ADGRL3: variants seen among roughly 807,000 people sequenced by gnomAD.
The protein encoded by ADGRL3 is adhesion G protein-coupled receptor L3, also known as calcium-independent alpha-latrotoxin receptor 3.
A neutral mutation model predicts 153.5 loss-of-function variants in ADGRL3; 62 were observed. The ratio of observed to expected loss-of-function variants is 0.40; its 90% CI spans 0.33 to 0.50. The LOEUF (loss-of-function observed/expected upper bound fraction) is 0.50. Among genes scored for constraint, ADGRL3 ranks in the 20% least tolerant of loss-of-function variants. The pLI is 0.47. For missense variants in ADGRL3, 1,641 were observed against 1,859.4 expected (o/e 0.88, Z 2.16); for synonymous variants, 710 against 672.5 (o/e 1.06, Z -0.86).
chr4:62,075,082 A>T lies in ADGRL3; in HGVS notation c.*4174A>T, dbSNP rs1746731811. On this transcript the variant is annotated 3_prime_UTR_variant, in exon 27 of 27. Coordinates refer to ENST00000683033, the MANE Select transcript of ADGRL3 (RefSeq NM_001387552.1). ...GAAAAATAGTTTACAAGTTTTCTAAAGATCAACTCCAGACTAATCTATATC... is the reference window on the plus strand; with the variant it reads ...GAAAAATAGTTTACAAGTTTTCTAATGATCAACTCCAGACTAATCTATATC... The T allele has an allele frequency of 6.6e-6, 1 of 152,126 alleles. No individual in the cohort carries two copies. Among genetic ancestry groups the T allele is most frequent in the African/African-American group, 2.4e-5 (1 of 41,458 alleles). The allele number at this position is 152,126 out of a possible 1,614,324, so 9.4% of individuals were successfully genotyped here. A position where few individuals can be genotyped will look rare whatever the true frequency, so the allele number is the denominator to read the frequency against.
intron 2 of ADGRL3, among the ~76,000 whole-genome samples, chr4:61,405,453 G>A (rs1489388874): frequency 6.6e-6 from 1 of 151,828 alleles, no homozygotes; most frequent in African/African-American, 2.4e-5. Flanking sequence ...TATAATTTGA[G>A]ATTTATGGCA....
At chr4:61,317,335 A>G (rs1157790869) in intron 1 of ADGRL3, among the ~76,000 whole-genome samples, 2 of 152,174 alleles carry the variant, frequency 1.3e-5, no homozygotes, top group African/African-American at 4.8e-5. Flanking sequence ...TCTACAGCAG[A>G]TTTTTTGTGG....
chr4:61,870,383 C>G (rs2098436716), intron 9 of ADGRL3, among the ~76,000 whole-genome samples: 1 of 152,078 alleles, frequency 6.6e-6, no homozygotes, highest in South Asian at 2.1e-4. Flanking sequence ...ATCTTCTTGA[C>G]CTTGGATTAA....
At chr4:61,230,940 T>G (rs1339886496) in intron 1 of ADGRL3, among the ~76,000 whole-genome samples, 1 of 152,200 alleles carries the variant, frequency 6.6e-6, no homozygotes, top group Non-Finnish European at 1.5e-5. Context: ...CCACAGTTTG[T>G]CAGGTTTTTG....
intron 16 of ADGRL3, among the ~76,000 whole-genome samples, chr4:61,947,722 T>C (rs1379157375): frequency 6.6e-6 from 1 of 152,220 alleles, no homozygotes; most frequent in Non-Finnish European, 1.5e-5. Context: ...TATTTTTGCA[T>C]ATATACAAAG....
chr4:62,046,688 G>A (rs1402798556), intron 25 of ADGRL3, among the ~76,000 whole-genome samples: 1 of 151,886 alleles, frequency 6.6e-6, no homozygotes, highest in East Asian at 1.9e-4. Context: ...AGGGTGCCCA[G>A]GTAGTGATCA....
chr4:61,377,544 C>T (rs775958655), intron 1 of ADGRL3, among the ~76,000 whole-genome samples: 13 of 151,916 alleles, frequency 8.6e-5, no homozygotes, highest in Non-Finnish European at 1.6e-4. Flanking sequence ...GTAATTTCAT[C>T]TATTTGTCAT....
chr4:61,958,719 C>A (rs2098977083), intron 17 of ADGRL3, among the ~76,000 whole-genome samples: 1 of 152,010 alleles, frequency 6.6e-6, no homozygotes, highest in Admixed American at 6.6e-5. Flanking sequence ...GGGAAACTGC[C>A]CCCATGATCC....
At chr4:62,037,670 T>C (rs1346971097) in intron 23 of ADGRL3, 61 bp from the exon 24 acceptor site, 4 of 1,573,128 alleles carry the variant, frequency 2.5e-6, no homozygotes, top group African/African-American at 2.7e-5. Flanking sequence ...ATACATTGTC[T>C]ACTTTTGTTC....
At chr4:61,875,856 A>T (rs1024718555) in intron 9 of ADGRL3, among the ~76,000 whole-genome samples, 5 of 152,196 alleles carry the variant, frequency 3.3e-5, no homozygotes, top group African/African-American at 1.2e-4. Context: ...TGTACTTTGC[A>T]CTTTTTTAGG....
intron 5 of ADGRL3, among the ~76,000 whole-genome samples, chr4:61,667,359 T>C (rs2094835566): frequency 6.6e-6 from 1 of 152,102 alleles, no homozygotes; most frequent in Non-Finnish European, 1.5e-5. Flanking sequence ...CAAAAGAAGT[T>C]AGTATTTTTT....
chr4:61,679,887 G>A (rs1324337101), intron 6 of ADGRL3, among the ~76,000 whole-genome samples: 1 of 151,922 alleles, frequency 6.6e-6, no homozygotes, highest in Non-Finnish European at 1.5e-5. Flanking sequence ...ATTTTCATCA[G>A]TACATTAATG....
intron 9 of ADGRL3, among the ~76,000 whole-genome samples, chr4:61,887,128 G>T (rs1041118765): frequency 5.3e-5 from 8 of 152,000 alleles, no homozygotes; most frequent in Admixed American, 1.3e-4. Flanking sequence ...GCCTCCCAAA[G>T]TGCTGTGATT....
intron 2 of ADGRL3, among the ~76,000 whole-genome samples, chr4:61,439,284 T>A (rs2606718): frequency 0.93 from 141,786 of 152,226 alleles, 66,880 homozygotes; most frequent in East Asian, 1. Context: ...GAAATTTTTA[T>A]AAGAGTAAAA....
intron 26 of ADGRL3, 94 bp downstream of exon 26, chr4:62,068,277 A>G (rs1335400660): frequency 4.4e-6 from 5 of 1,146,038 alleles, no homozygotes; most frequent in Non-Finnish European, 6.1e-6. Flanking sequence ...TATTAAAAAC[A>G]GTTCATCTCA....
intron 21 of ADGRL3, among the ~76,000 whole-genome samples, chr4:62,026,631 G>A (rs552617687): frequency 5.3e-5 from 8 of 151,986 alleles, no homozygotes; most frequent in Non-Finnish European, 8.8e-5. Flanking sequence ...TACAGAGATA[G>A]AGAACAAAAC....
chr4:61,435,605 G>A (rs929045445), intron 2 of ADGRL3, among the ~76,000 whole-genome samples: 1 of 152,086 alleles, frequency 6.6e-6, no homozygotes, highest in Non-Finnish European at 1.5e-5. Flanking sequence ...AGTCTAAAAT[G>A]TGTCTTAAAT....
rs188922596 is a variant in ADGRL3, at chr4:62,075,276, C to T, written c.*4368C>T. The T allele has an allele frequency of 8.5e-5, 13 of 152,300 alleles. No individual in the cohort carries two copies. The highest frequency in any genetic ancestry group is 3.4e-3 in the Middle Eastern group (1 of 296). 9.4% of individuals were successfully genotyped at this position (152,300 alleles called of 1,614,324 possible). On this transcript the variant is annotated 3_prime_UTR_variant, in exon 27 of 27. Transcript: ENST00000683033. ...TCCCAGCTCACTGCAGCCTCAGACT[C>T]TTGGGCTCAAGTGATCCTGCTGTCT...
At chr4:61,431,457 G>C (rs1177282592) in intron 2 of ADGRL3, among the ~76,000 whole-genome samples, 8 of 152,192 alleles carry the variant, frequency 5.3e-5, no homozygotes, top group Admixed American at 5.2e-4. Flanking sequence ...TTCTTTTAAA[G>C]AGTGATCAGT....
Sources: allele counts gnomAD v4.1 joint callset (sites outside exome capture counted in the v4.1 genomes callset), GRCh38; gene constraint gnomAD v4.1.1; transcripts MANE v1.5; gene names NCBI Gene and HGNC (gene_info 2026-07-23, HGNC 2026-07-21).